The following MAPK6 variants were observed in gnomAD, a reference collection of about 807,000 sequenced individuals.
MAPK6 encodes the protein ERK-3.
A neutral mutation model predicts 59.3 loss-of-function variants in MAPK6; 19 were observed. The observed-to-expected ratio is 0.32, with a 90% CI of 0.22 to 0.47. The LOEUF is 0.47. MAPK6 is among the 20% of genes least tolerant of loss of function. The probability of loss-of-function intolerance (pLI) is 1.00; values close to 1 mark genes in which losing one functional copy is unlikely to be tolerated. For synonymous variants in MAPK6, 316 were observed against 290.3 expected, an observed-to-expected ratio of 1.09 and a Z score of -0.90; for missense variants, 724 against 847.9, an observed-to-expected ratio of 0.85 and a Z score of 1.81.
chr15:52,037,353 A>G (rs1205276118), intron 1 of MAPK6, among the ~76,000 whole-genome samples: 2 of 152,220 alleles, frequency 1.3e-5, no homozygotes, highest in African/African-American at 2.4e-5. Context: ...AGTTAGCTCA[A>G]AAACAACAGC....
chr15:52,051,096 C>T (rs2141097595), intron 3 of MAPK6, among the ~76,000 whole-genome samples: 1 of 152,032 alleles, frequency 6.6e-6, no homozygotes, highest in South Asian at 2.1e-4. Flanking sequence ...CTTGCTCTGT[C>T]ACCCAGGCTG....
intron 3 of MAPK6, among the ~76,000 whole-genome samples, chr15:52,051,510 A>G (rs2031779235): frequency 6.6e-6 from 1 of 152,246 alleles, no homozygotes; most frequent in African/African-American, 2.4e-5. Flanking sequence ...ATGTCTTTTA[A>G]GTATGTTAAT....
At chr15:52,012,503 C>T (rs2030083109) in intron 3 of MAPK6, among the ~76,000 whole-genome samples, 1 of 152,134 alleles carries the variant, frequency 6.6e-6, no homozygotes, top group Non-Finnish European at 1.5e-5. Context: ...CCAAGTCTCC[C>T]AAATCCTGGT....
chr15:52,026,683 A>G (rs1231480029), intron 1 of MAPK6, among the ~76,000 whole-genome samples: 2 of 152,220 alleles, frequency 1.3e-5, no homozygotes, highest in Non-Finnish European at 2.9e-5. Flanking sequence ...TGTAAAGAGC[A>G]TCAGTGCTCT....
chr15:52,059,656 G>A (rs983853087), intron 4 of MAPK6, among the ~76,000 whole-genome samples: 2 of 152,126 alleles, frequency 1.3e-5, no homozygotes, highest in Non-Finnish European at 2.9e-5. Flanking sequence ...AATCTTTTTC[G>A]TACCCTCATT....
At position 52,060,375 on chromosome 15, in the gene MAPK6, G is replaced by C. The variant is rs1247750560; in HGVS notation, c.866-924G>C. Among the ~76,000 whole-genome samples, 4 of 152,340 alleles carry C rather than the reference G, an allele frequency of 2.6e-5. No homozygotes were observed. In the East Asian group the frequency reaches 7.7e-4, roughly 29 times the overall value. ...TGACCATAGTGAAGAGGTAGGGATT[G>C]AGACAAATGTGAAGTGGGTTTATCT... is the stretch of plus-strand genomic sequence containing the variant. On this transcript the variant is annotated intron_variant, in intron 4 of 5. Transcript: ENST00000261845.
intron 2 of MAPK6, among the ~76,000 whole-genome samples, chr15:52,001,608 A>G (rs934085137): frequency 6.7e-6 from 1 of 149,404 alleles, no homozygotes; most frequent in African/African-American, 2.5e-5. Context: ...TGCTGGGTTC[A>G]AGCGATTCTC....
chr15:52,064,105 G>C lies in MAPK6; in HGVS notation c.1271G>C (p.Cys424Ser). The change falls in exon 6 of 6, where the codon TGT becomes TCT. Residue 424 changes from cysteine to serine, a missense_variant. Physicochemically the swap from Cys to Ser is moderately radical, Grantham distance 112. This residue lies in a region of MAPK6 where 502 missense variants were observed against 507.6 expected (regional missense o/e 0.99). Transcript: ENST00000261845. Reference protein sequence around the residue: ...AFDTNYSTEPCWQYSDHHENK... With the variant: ...AFDTNYSTEPSWQYSDHHENK... Reference sequence around the variant, plus strand: ...GATACCAATTACTCTACTGAGCCTTGTTGGCAATACTCAGATCATCATGAA... The same window carrying C: ...GATACCAATTACTCTACTGAGCCTTCTTGGCAATACTCAGATCATCATGAA... 6.2e-7 allele frequency: 1 copy of C among 1,611,974 alleles called. No homozygotes were observed.
At chr15:52,044,185 C>G (rs562155177) in intron 1 of MAPK6, among the ~76,000 whole-genome samples, 2 of 150,820 alleles carry the variant, frequency 1.3e-5, no homozygotes, top group Non-Finnish European at 3.0e-5. Flanking sequence ...TTTGGGGGGG[C>G]GGGCTAGGAG....
intron 3 of MAPK6, among the ~76,000 whole-genome samples, chr15:52,054,532 C>T (rs1036708335): frequency 2.0e-5 from 3 of 152,112 alleles, no homozygotes; most frequent in Non-Finnish European, 4.4e-5. Flanking sequence ...TTTTTGTGAC[C>T]AAGTCTCAAA....
intron 1 of MAPK6, among the ~76,000 whole-genome samples, chr15:51,982,413 C>A (rs1322122928): frequency 6.6e-6 from 1 of 152,116 alleles, no homozygotes; most frequent in Non-Finnish European, 1.5e-5. Flanking sequence ...TATTAACATC[C>A]TTAACAGTAA....
chr15:52,000,653 A>C (rs1742638346), intron 2 of MAPK6, among the ~76,000 whole-genome samples: 1 of 152,068 alleles, frequency 6.6e-6, no homozygotes. Flanking sequence ...TGAAAATACA[A>C]AAATTAGCCG....
chr15:52,015,055 C>A (rs886843546), upstream of MAPK6, among the ~76,000 whole-genome samples: 1 of 152,062 alleles, frequency 6.6e-6, no homozygotes, highest in South Asian at 2.1e-4. Flanking sequence ...GGCTGGAGTG[C>A]AATGGTGTGA....
chr15:52,005,521 C>G (rs2057255763), intron 3 of MAPK6, among the ~76,000 whole-genome samples: 1 of 151,122 alleles, frequency 6.6e-6, no homozygotes, highest in Admixed American at 6.6e-5. Context: ...GAGTGACATT[C>G]CATCTCAAAA....
intron 5 of MAPK6, 48 bp downstream of exon 5, chr15:52,061,548 G>A (rs1451800276): frequency 2.2e-6 from 3 of 1,371,206 alleles, no homozygotes; most frequent in Admixed American, 1.8e-5. Context: ...AACTTTCAGT[G>A]GACCATATGT....
chr15:51,971,839 T>G, exon 1 of MAPK6: 3 of 1,355,740 alleles, frequency 2.2e-6, no homozygotes, highest in Non-Finnish European at 3.2e-6. Context: ...TCGCAAAGAT[T>G]CGCCGAAGAC....
At chr15:52,048,841 T>C (rs1351443709) in intron 2 of MAPK6, among the ~76,000 whole-genome samples, 1 of 152,080 alleles carries the variant, frequency 6.6e-6, no homozygotes, top group Non-Finnish European at 1.5e-5. Context: ...CAGACAACTT[T>C]TTTTTCCTAG....
chr15:52,019,588 C>T (rs1044527804), intron 1 of MAPK6, among the ~76,000 whole-genome samples: 69 of 146,082 alleles, frequency 4.7e-4, no homozygotes, highest in African/African-American at 1.7e-3. Flanking sequence ...CCCGCTCGGG[C>T]CTGGCCGGCG....
At position 51,983,665 on chromosome 15, in the gene MAPK6, G is replaced by C. The variant is rs564824175; in HGVS notation, c.-770+350G>C. On this transcript the variant is annotated intron_variant, in intron 2 of 7. Transcript: ENST00000691380. ...TCTCTATAAAAAAATTTAAAAATTAGCTGGCATGGCACATGCCTGTAGTCC... is the reference window on the plus strand; with the variant it reads ...TCTCTATAAAAAAATTTAAAAATTACCTGGCATGGCACATGCCTGTAGTCC... Among the ~76,000 whole-genome samples, 11 of 152,084 alleles carry C rather than the reference G, an allele frequency of 7.2e-5. No homozygotes were observed. The South Asian group carries it at 2.3e-3, about 32-fold the overall frequency.
Sources: allele counts gnomAD v4.1 joint callset (sites outside exome capture counted in the v4.1 genomes callset), GRCh38; gene constraint gnomAD v4.1.1; regional missense constraint gnomAD v4.1.1; transcripts MANE v1.5; gene names NCBI Gene and HGNC (gene_info 2026-07-23, HGNC 2026-07-21).